SCLT1: variants seen among roughly 807,000 people sequenced by gnomAD.
SCLT1 encodes the protein sodium channel-associated protein 1.
In SCLT1, 78 loss-of-function variants were observed where a neutral mutation model predicts 112.8. That is an observed-to-expected ratio of 0.69 (90% CI 0.58 to 0.83). The LOEUF is 0.83. SCLT1 is among the 40% of genes least tolerant of loss of function. SCLT1 has a pLI of 0.00. For synonymous variants in SCLT1, 257 were observed against 254.7 expected, an observed-to-expected ratio of 1.01 and a Z score of -0.09; for missense variants, 747 against 770.4, an observed-to-expected ratio of 0.97 and a Z score of 0.36.
chr4:128,905,474 T>C (rs973702340), intron 18 of SCLT1, among the ~76,000 whole-genome samples: 1 of 152,222 alleles, frequency 6.6e-6, no homozygotes, highest in African/African-American at 2.4e-5. Context: ...GTCTTTAAAC[T>C]CTAAGGATGT....
chr4:129,063,290 T>C (rs112066523), intron 2 of SCLT1, among the ~76,000 whole-genome samples: 512 of 152,342 alleles, frequency 3.4e-3, no homozygotes, highest in Middle Eastern at 6.8e-3. Context: ...ACTGACTGGC[T>C]TTGGGAAACA....
chr4:128,898,982 T>C (rs1197816795), intron 18 of SCLT1, among the ~76,000 whole-genome samples: 1 of 152,210 alleles, frequency 6.6e-6, no homozygotes, highest in Admixed American at 6.5e-5. Context: ...AGGAAGAAGC[T>C]GATTCTCTGA....
Position 128,943,030 on chromosome 4 carries a change from A to T in SCLT1, c.1598T>A (p.Ile533Asn), listed in dbSNP as rs760728436. ...GGCTTTTTTTTGAGCCTCCAGGGCA[A>T]TCTTCCTTAAACTCTCAGTCTCTTT... ...LRKETESLRK[I>N]ALEAQKKAKV... The change falls in exon 17 of 21, where the codon ATT becomes AAT. Residue 533 changes from isoleucine to asparagine, a missense_variant. Transcript: ENST00000281142. 1.2e-5 allele frequency: 19 copies of T among 1,611,920 alleles called. No individual in the cohort carries two copies. Among genetic ancestry groups the T allele is most frequent in the Non-Finnish European group, 1.6e-5 (19 of 1,179,172 alleles).
rs570892116 is a variant in SCLT1 at position 129,086,341 on chromosome 4, A to G, written c.35-3968T>C. On this transcript the variant is annotated intron_variant, in intron 1 of 20. Transcript: ENST00000281142. Reference sequence around the variant, plus strand: ...TATATATATATATATATATATACACACACACATTCATTGTTAGTTTCAATT... The same window carrying G: ...TATATATATATATATATATATACACGCACACATTCATTGTTAGTTTCAATT... Among the ~76,000 whole-genome samples, 41 of 151,334 alleles carry G rather than the reference A, an allele frequency of 2.7e-4. No individual in the cohort carries two copies. In the East Asian group the frequency reaches 4.9e-3, roughly 18 times the overall value.
Position 128,970,426 on chromosome 4 carries a change from T to C in SCLT1, c.729A>G (p.Glu243=). ...LELRVAVAKV[E]ELTNVTEDLQ... ...GATCTTCAGTCACATTAGTTAACTCTTCCACTTTTGCTACAGCAACTCTCA... is the reference window on the plus strand; with the variant it reads ...GATCTTCAGTCACATTAGTTAACTCCTCCACTTTTGCTACAGCAACTCTCA... The change falls in exon 10 of 21, where the codon GAA becomes GAG. Residue 243 remains glutamate, a synonymous_variant. Transcript: ENST00000281142. 1 of 1,609,542 alleles carries C rather than the reference T, an allele frequency of 6.2e-7. No individual in the cohort carries two copies. Among genetic ancestry groups the C allele is most frequent in the South Asian group, 1.1e-5 (1 of 90,970 alleles).
Position 129,024,568 on chromosome 4 carries a change from C to T in SCLT1, c.290+14473G>A, listed in dbSNP as rs561166622. On this transcript the variant is annotated intron_variant, in intron 5 of 20. Coordinates refer to ENST00000281142, the MANE Select transcript of SCLT1 (RefSeq NM_144643.4). ...ATCTGTACATCACCATCATCAAAGA[C>T]CAAAAGTAGATAAAACCACAAAGAT... Among the ~76,000 whole-genome samples, 734 of 152,206 alleles carry T rather than the reference C, an allele frequency of 4.8e-3. 6 individuals are homozygous for T. The highest frequency in any genetic ancestry group is 0.017 in the African/African-American group (697 of 41,514).
At chr4:128,968,020 A>G (rs1051551196) in intron 10 of SCLT1, among the ~76,000 whole-genome samples, 1 of 152,070 alleles carries the variant, frequency 6.6e-6, no homozygotes, top group Non-Finnish European at 1.5e-5. Flanking sequence ...TTCTATTGCT[A>G]CTTTCAGGTA....
intron 18 of SCLT1, among the ~76,000 whole-genome samples, chr4:128,900,715 G>C (rs1414115868): frequency 6.6e-6 from 1 of 152,130 alleles, no homozygotes; most frequent in Non-Finnish European, 1.5e-5. Context: ...CACAGCAAAA[G>C]AAACTACCCT....
At chr4:129,017,185 G>GT (rs942339114) in intron 5 of SCLT1, among the ~76,000 whole-genome samples, 4 of 151,314 alleles carry the variant, frequency 2.6e-5, no homozygotes, top group Admixed American at 6.6e-5. Context: ...AAATTTATGT[G>GT]TTTTTTTGTG....
chr4:129,015,274 G>A (rs1313975204), intron 5 of SCLT1, among the ~76,000 whole-genome samples: 5 of 152,094 alleles, frequency 3.3e-5, no homozygotes, highest in South Asian at 2.1e-4. Flanking sequence ...GCAGTGTGTG[G>A]AGGGAGTGTG....
chr4:129,056,504 C>CA (rs1293751826), intron 2 of SCLT1, among the ~76,000 whole-genome samples: 1 of 152,086 alleles, frequency 6.6e-6, no homozygotes, highest in Non-Finnish European at 1.5e-5. Flanking sequence ...GGATCATTTT[C>CA]AATTTCTGTC....
At chr4:128,952,906 C>T in intron 13 of SCLT1, 66 bp from the exon 14 acceptor site, 2 of 805,640 alleles carry the variant, frequency 2.5e-6, no homozygotes, top group Non-Finnish European at 4.3e-6. Context: ...CTGATAAAAA[C>T]ACTCAGGATA....
intron 5 of SCLT1, among the ~76,000 whole-genome samples, chr4:129,030,107 C>T (rs1746566787): frequency 6.6e-6 from 1 of 152,116 alleles, no homozygotes; most frequent in Non-Finnish European, 1.5e-5. Flanking sequence ...TCATAACAAA[C>T]AGTCTCTCAG....
At chr4:128,888,822 G>T (rs372488663) in intron 19 of SCLT1, 48 bp from the exon 20 acceptor site, 2 of 1,152,064 alleles carry the variant, frequency 1.7e-6, no homozygotes, top group Non-Finnish European at 2.6e-6. Flanking sequence ...ATGTGACATG[G>T]AGATGTTTTG....
intron 9 of SCLT1, among the ~76,000 whole-genome samples, chr4:128,972,906 T>C (rs1740813967): frequency 6.6e-6 from 1 of 152,178 alleles, no homozygotes; most frequent in Non-Finnish European, 1.5e-5. Flanking sequence ...TCTACACTCC[T>C]CTACATATAA....
intron 9 of SCLT1, among the ~76,000 whole-genome samples, chr4:128,981,925 G>T (rs190165079): frequency 6.6e-6 from 1 of 151,980 alleles, no homozygotes; most frequent in Non-Finnish European, 1.5e-5. Context: ...TGACATGATC[G>T]GACATATTTT....
At chr4:129,037,500 ACCCTT>A (rs1301643575) in intron 5 of SCLT1, 7 of 152,092 alleles carry the variant, frequency 4.6e-5, no homozygotes, top group African/African-American at 1.7e-4. Flanking sequence ...ATATCCTATG[ACCCTT>A]TTTCCAATAT....
At chr4:129,003,220 T>C (rs1743675051) in intron 6 of SCLT1, among the ~76,000 whole-genome samples, 1 of 151,574 alleles carries the variant, frequency 6.6e-6, no homozygotes, top group Non-Finnish European at 1.5e-5. Flanking sequence ...CACTCATAAG[T>C]GGGAGTTAAA....
At chr4:129,028,202 A>T (rs963390722) in intron 5 of SCLT1, among the ~76,000 whole-genome samples, 1 of 150,884 alleles carries the variant, frequency 6.6e-6, no homozygotes, top group South Asian at 2.1e-4. Context: ...GAACCAAAAA[A>T]GAGCCCGCAT....
Sources: gnomAD v4.1 joint callset for allele counts (sites outside exome capture counted in the v4.1 genomes callset) on GRCh38, gnomAD v4.1.1 for gene constraint, MANE v1.5 for transcripts, NCBI Gene and HGNC (gene_info 2026-07-23, HGNC 2026-07-21) for gene names.